Variants in TYW1 observed in about 807,000 individuals in gnomAD.
The protein encoded by TYW1 is tRNA-yW synthesizing protein 1 homolog, also known as S-adenosyl-L-methionine-dependent tRNA 4-demethylwyosine synthase TYW1.
Under a neutral mutation model 96.2 loss-of-function variants are expected in TYW1, and 46 were observed. That is an observed-to-expected ratio of 0.48 (90% CI 0.38 to 0.61). The LOEUF is 0.61. Among genes scored for constraint, TYW1 ranks in the 20% least tolerant of loss-of-function variants. The pLI, the probability that TYW1 is intolerant of heterozygous loss-of-function variation, is 0.00. For missense variants in TYW1, 684 were observed against 909.6 expected (o/e 0.75, Z 3.19); for synonymous variants, 274 against 323.0 (o/e 0.85, Z 1.63).
intron 7 of TYW1, among the ~76,000 whole-genome samples, chr7:67,027,470 G>A (rs1023015568): frequency 6.6e-5 from 10 of 151,900 alleles, no homozygotes; most frequent in African/African-American, 2.4e-4. Flanking sequence ...AAGCTTTTCT[G>A]TATGATTCAA....
At chr7:67,231,685 T>C (rs1387055781) in intron 15 of TYW1, among the ~76,000 whole-genome samples, 1 of 152,002 alleles carries the variant, frequency 6.6e-6, no homozygotes, top group African/African-American at 2.4e-5. Context: ...ACCATGTTTT[T>C]CTCATTCGAT....
intron 12 of TYW1, among the ~76,000 whole-genome samples, chr7:67,099,397 G>C (rs1323470284): frequency 6.6e-6 from 1 of 152,124 alleles, no homozygotes; most frequent in Non-Finnish European, 1.5e-5. Flanking sequence ...TTGTTAATAA[G>C]GAACTTCCTG....
In TYW1 at chr7:67,085,644, G is replaced by C. The variant is rs145838219; in HGVS notation, c.1384+2105G>C. 3.4e-3 allele frequency among the ~76,000 whole-genome samples: 513 copies of C among 152,170 alleles called. 4 individuals are homozygous for C. Among genetic ancestry groups the C allele is most frequent in the African/African-American group, 0.011 (471 of 41,526 alleles). On this transcript the variant is annotated intron_variant, in intron 11 of 15. Coordinates refer to ENST00000359626, the MANE Select transcript of TYW1 (RefSeq NM_018264.4). ...AATGGAGAAAAGTCATGCAAATAAT[G>C]GTTCAAGATCAGTAGTAATTTATAA...
At chr7:67,040,806 T>G (rs1488540223) in intron 7 of TYW1, among the ~76,000 whole-genome samples, 1 of 151,804 alleles carries the variant, frequency 6.6e-6, no homozygotes, top group African/African-American at 2.4e-5. Flanking sequence ...ATCACGCCAC[T>G]GCACTCCAGC....
At chr7:67,081,492 C>T (rs1584537531) in intron 10 of TYW1, among the ~76,000 whole-genome samples, 2 of 151,560 alleles carry the variant, frequency 1.3e-5, no homozygotes, top group East Asian at 3.9e-4. Context: ...ATATCTCTCC[C>T]CAAATGTGGG....
chr7:67,176,118 A>G (rs4415202), intron 13 of TYW1, among the ~76,000 whole-genome samples: 42,768 of 152,094 alleles, frequency 0.28, 6,530 homozygotes, highest in African/African-American at 0.4. Flanking sequence ...TTAAAATATC[A>G]GTTAAATATT....
intron 7 of TYW1, among the ~76,000 whole-genome samples, 199 bp downstream of exon 7, chr7:67,025,221 C>T (rs994656218): frequency 4.6e-5 from 7 of 152,056 alleles, no homozygotes; most frequent in South Asian, 4.1e-4. Context: ...AAAGTCAGCT[C>T]ATCAGAGGAT....
intron 9 of TYW1, among the ~76,000 whole-genome samples, chr7:67,058,873 T>A (rs1445077154): frequency 4.2e-4 from 64 of 152,126 alleles, no homozygotes; most frequent in Non-Finnish European, 1.0e-4. Flanking sequence ...ATCCCACCTC[T>A]GCCAATATGG....
chr7:66,998,136 T>G lies in TYW1; in HGVS notation c.76T>G (p.Leu26Val). The G allele has an allele frequency of 6.2e-7, 1 of 1,613,466 alleles. No individual in the cohort carries two copies. Among genetic ancestry groups the G allele is most frequent in the Non-Finnish European group, 8.5e-7 (1 of 1,179,870 alleles). Reference sequence around the variant, plus strand: ...ATGGATAAACAGGTTTTACATTTATTTGGGCTTTGCTGTTAGCATTAGCCT... The same window carrying G: ...ATGGATAAACAGGTTTTACATTTATGTGGGCTTTGCTGTTAGCATTAGCCT... ...SLWINRFYIYLGFAVSISLWI... is the reference protein window; with the variant it reads ...SLWINRFYIYVGFAVSISLWI... Residue 26 changes from leucine to valine, a missense_variant, in exon 2 of 16, where the codon TTG becomes GTG. Coordinates refer to ENST00000359626, the MANE Select transcript of TYW1 (RefSeq NM_018264.4).
intron 15 of TYW1, among the ~76,000 whole-genome samples, chr7:67,229,653 A>G (rs1801683452): frequency 7.4e-6 from 1 of 135,102 alleles, no homozygotes; most frequent in Non-Finnish European, 1.6e-5. Context: ...AATCAAACAA[A>G]CAAAAAAAAC....
At chr7:67,141,328 A>C (rs1262556504) in intron 13 of TYW1, among the ~76,000 whole-genome samples, 1 of 152,220 alleles carries the variant, frequency 6.6e-6, no homozygotes, top group East Asian at 1.9e-4. Flanking sequence ...GCCATCATAA[A>C]AATAAAAATA....
chr7:67,146,186 A>G (rs899592344), intron 13 of TYW1, among the ~76,000 whole-genome samples: 10 of 152,062 alleles, frequency 6.6e-5, no homozygotes, highest in Non-Finnish European at 1.3e-4. Flanking sequence ...GTAGTTTTCC[A>G]TCCTGTGATA....
intron 13 of TYW1, among the ~76,000 whole-genome samples, chr7:67,177,480 T>C (rs1799708991): frequency 6.6e-6 from 1 of 152,064 alleles, no homozygotes; most frequent in Non-Finnish European, 1.5e-5. Context: ...AGCTTTTCTT[T>C]CCAGCAAATG....
intron 13 of TYW1, among the ~76,000 whole-genome samples, chr7:67,158,571 G>A (rs2116204798): frequency 6.6e-6 from 1 of 151,700 alleles, no homozygotes; most frequent in South Asian, 2.1e-4. Flanking sequence ...TATTATTATT[G>A]TTATTATTTT....
intron 15 of TYW1, among the ~76,000 whole-genome samples, chr7:67,208,506 ATGGTGAAT>A (rs1800887422): frequency 6.6e-6 from 1 of 151,838 alleles, no homozygotes; most frequent in Non-Finnish European, 1.5e-5. Flanking sequence ...CCTGGCCAAT[ATGGTGAAT>A]CCCCATCTCT....
At chr7:67,073,023 G>T (rs540947137) in intron 10 of TYW1, among the ~76,000 whole-genome samples, 2 of 138,638 alleles carry the variant, frequency 1.4e-5, no homozygotes, top group Non-Finnish European at 3.0e-5. Context: ...GCCTCAAGCA[G>T]TCCTCTCCTC....
At chr7:67,148,425 ATTTTTTTTTT>A (rs34723740) in intron 13 of TYW1, among the ~76,000 whole-genome samples, 1 of 109,398 alleles carries the variant, frequency 9.1e-6, no homozygotes, top group African/African-American at 3.8e-5. Context: ...CTTGAAAGTG[ATTTTTTTTTT>A]TTTTTTTTTT....
chr7:67,146,660 T>A (rs1239270549), intron 13 of TYW1, among the ~76,000 whole-genome samples: 1 of 152,224 alleles, frequency 6.6e-6, no homozygotes, highest in Non-Finnish European at 1.5e-5. Context: ...ATAACAATAT[T>A]CAGAATTGGA....
chr7:67,029,022 G>A (rs1201467295), intron 7 of TYW1, among the ~76,000 whole-genome samples: 4 of 149,320 alleles, frequency 2.7e-5, no homozygotes, highest in Non-Finnish European at 3.0e-5. Flanking sequence ...TTTTTGAGAC[G>A]GAGTCTCGCT....
Sources: gnomAD v4.1 joint callset for allele counts (sites outside exome capture counted in the v4.1 genomes callset) on GRCh38, gnomAD v4.1.1 for gene constraint, MANE v1.5 for transcripts, NCBI Gene and HGNC (gene_info 2026-07-23, HGNC 2026-07-21) for gene names.